The following RGS8 variants were observed in gnomAD, a reference collection of about 807,000 sequenced individuals.
The protein encoded by RGS8 is regulator of G protein signaling 8, also known as regulator of G-protein signaling 8.
A neutral mutation model predicts 21.7 loss-of-function variants in RGS8; 8 were observed. The observed-to-expected ratio is 0.37, with a 90% confidence interval of 0.22 to 0.66. The LOEUF is 0.66. Among genes scored for constraint, RGS8 ranks in the 30% least tolerant of loss-of-function variants. The pLI, the probability that RGS8 is intolerant of heterozygous loss-of-function variation, is 0.59. For missense variants in RGS8, 157 were observed against 217.9 expected (o/e 0.72, Z 1.76); for synonymous variants, 80 against 83.6 (o/e 0.96, Z 0.24).
At chr1:182,740,908 A>C in the RGS8 span, among the ~76,000 whole-genome samples, 2 of 152,184 alleles carry the variant, frequency 1.3e-5, no homozygotes, top group Non-Finnish European at 2.9e-5. Context: ...AGGCAGAAGA[A>C]TTCTTCTTAG....
At chr1:182,681,352 T>C (rs997866056) in intron 1 of RGS8, among the ~76,000 whole-genome samples, 2 of 152,204 alleles carry the variant, frequency 1.3e-5, no homozygotes, top group African/African-American at 4.8e-5. Context: ...ACAAAAGCTT[T>C]ACCATTTGCC....
the RGS8 span, among the ~76,000 whole-genome samples, chr1:182,708,934 A>G: frequency 1.5e-3 from 236 of 152,292 alleles, no homozygotes; most frequent in African/African-American, 5.5e-3. Context: ...TGGGGCAGGG[A>G]AAGGATGACC....
the RGS8 span, among the ~76,000 whole-genome samples, chr1:182,706,709 A>ACCCACC: frequency 1.3e-5 from 2 of 150,402 alleles, no homozygotes; most frequent in South Asian, 4.2e-4. Context: ...TCAGATATCC[A>ACCCACC]CCCACCTCAG....
At chr1:182,748,637 A>G in the RGS8 span, among the ~76,000 whole-genome samples, 1 of 152,170 alleles carries the variant, frequency 6.6e-6, no homozygotes, top group African/African-American at 2.4e-5. Context: ...GAGTTACTGG[A>G]TCATATGGTA....
chr1:182,745,991 CCTT>C, the RGS8 span, among the ~76,000 whole-genome samples: 1 of 152,200 alleles, frequency 6.6e-6, no homozygotes, highest in Non-Finnish European at 1.5e-5. Context: ...CCTATCCTGA[CCTT>C]CTTTTAGTCC....
the RGS8 span, among the ~76,000 whole-genome samples, chr1:182,694,780 C>A: frequency 2.0e-5 from 3 of 150,924 alleles, no homozygotes; most frequent in Middle Eastern, 3.2e-3. Flanking sequence ...TGCACTCCAG[C>A]CTGGGTGATA....
chr1:182,736,366 A>C, the RGS8 span, among the ~76,000 whole-genome samples: 6 of 152,324 alleles, frequency 3.9e-5, no homozygotes, highest in Non-Finnish European at 8.8e-5. Context: ...TTGAGTGGGG[A>C]ATAGTGTTTA....
At chr1:182,709,369 C>G in the RGS8 span, among the ~76,000 whole-genome samples, 1 of 151,784 alleles carries the variant, frequency 6.6e-6, no homozygotes, top group Non-Finnish European at 1.5e-5. Context: ...CTCTCTCTCA[C>G]ACACACACAC....
At chr1:182,707,064 C>T in the RGS8 span, among the ~76,000 whole-genome samples, 2 of 152,004 alleles carry the variant, frequency 1.3e-5, no homozygotes, top group Non-Finnish European at 2.9e-5. Context: ...GAGGCTGAGG[C>T]AGGAGAATAG....
chr1:182,698,719 G>A, the RGS8 span, among the ~76,000 whole-genome samples: 2 of 152,166 alleles, frequency 1.3e-5, no homozygotes, highest in African/African-American at 2.4e-5. Context: ...ATTTGCTATT[G>A]AGCATATTCC....
At chr1:182,650,740 C>A (rs945552781) in intron 5 of RGS8, among the ~76,000 whole-genome samples, 1 of 152,078 alleles carries the variant, frequency 6.6e-6, no homozygotes. Context: ...ATGTGTCCAG[C>A]GATTCGGGAA....
At chr1:182,720,181 TTTTG>T in the RGS8 span, among the ~76,000 whole-genome samples, 1 of 152,254 alleles carries the variant, frequency 6.6e-6, no homozygotes, top group Admixed American at 6.5e-5. Flanking sequence ...GTTTGTTTTG[TTTTG>T]TTTTTCTTTC....
the RGS8 span, among the ~76,000 whole-genome samples, chr1:182,706,892 T>A: frequency 1.3e-5 from 2 of 152,162 alleles, no homozygotes; most frequent in Admixed American, 6.5e-5. Flanking sequence ...CATTTCAGAT[T>A]TTTTTTCTAA....
At chr1:182,665,927 A>G (rs1421237312) in intron 5 of RGS8, 42 bp downstream of exon 6, 4 of 1,541,366 alleles carry the variant, frequency 2.6e-6, no homozygotes, top group Admixed American at 1.7e-5. Flanking sequence ...CTCACTAAAT[A>G]GATGATTTGC....
chr1:182,649,173 C>T (rs1662874447), intron 5 of RGS8, among the ~76,000 whole-genome samples: 1 of 152,138 alleles, frequency 6.6e-6, no homozygotes, highest in African/African-American at 2.4e-5. Context: ...ATTTGGGGCA[C>T]AGGTGTCTCT....
At chr1:182,666,677 C>A (rs888632406) in intron 4 of RGS8, among the ~76,000 whole-genome samples, 195 bp downstream of exon 5, 1 of 151,314 alleles carries the variant, frequency 6.6e-6, no homozygotes, top group African/African-American at 2.4e-5. Context: ...AAAGAGGATT[C>A]CCATTCTGAG....
At chr1:182,727,585 C>T in the RGS8 span, among the ~76,000 whole-genome samples, 11 of 152,126 alleles carry the variant, frequency 7.2e-5, no homozygotes, top group Admixed American at 2.0e-4. Flanking sequence ...TAACTAAAAG[C>T]CGTTCCGAAA....
At chr1:182,724,693 G>C in the RGS8 span, among the ~76,000 whole-genome samples, 82 of 152,022 alleles carry the variant, frequency 5.4e-4, no homozygotes, top group Non-Finnish European at 1.5e-4. Flanking sequence ...GAGTAGCTGG[G>C]ATTACAGGCG....
At chr1:182,658,624 G>T (rs978874725) in intron 5 of RGS8, 1 of 152,214 alleles carries the variant, frequency 6.6e-6, no homozygotes, top group Non-Finnish European at 1.5e-5. Context: ...TGAAATTCAT[G>T]ATGAGAATAG....
Sources: gnomAD v4.1 joint callset for allele counts (sites outside exome capture counted in the v4.1 genomes callset) on GRCh38, gnomAD v4.1.1 for gene constraint, MANE v1.5 for transcripts, NCBI Gene and HGNC (gene_info 2026-07-23, HGNC 2026-07-21) for gene names.